Variants in PRICKLE2 observed in about 807,000 individuals in gnomAD.
PRICKLE2 encodes prickle-like protein 2.
In PRICKLE2, 21 loss-of-function variants were observed where a neutral mutation model predicts 81.4. That is an observed-to-expected ratio of 0.26 (90% CI 0.18 to 0.37). PRICKLE2 has a LOEUF of 0.37. PRICKLE2 is among the 10% of genes least tolerant of loss of function. The pLI is 1.00. For synonymous variants in PRICKLE2, 456 were observed against 421.5 expected, an observed-to-expected ratio of 1.08 and a Z score of -1.00; for missense variants, 940 against 1,109.0, an observed-to-expected ratio of 0.85 and a Z score of 2.16.
At chr3:64,214,856 CG>C (rs1371158355) in intron 1 of PRICKLE2, among the ~76,000 whole-genome samples, 1 of 152,128 alleles carries the variant, frequency 6.6e-6, no homozygotes, top group African/African-American at 2.4e-5. Flanking sequence ...GTTGACGAAA[CG>C]AACAAGGAGG....
chr3:64,201,221 G>T (rs987342022), intron 1 of PRICKLE2, among the ~76,000 whole-genome samples: 2 of 152,078 alleles, frequency 1.3e-5, no homozygotes, highest in East Asian at 1.9e-4. Context: ...GAGCCACCAC[G>T]CCTGGCCAAA....
At chr3:64,238,473 G>A (rs1300955770) in intron 2 of PRICKLE2, among the ~76,000 whole-genome samples, 6 of 135,414 alleles carry the variant, frequency 4.4e-5, no homozygotes, top group African/African-American at 1.1e-4. Context: ...GCAACAGAAC[G>A]AGACTCCGTC....
rs182163736 is a variant in PRICKLE2 at position 64,109,486 on chromosome 3, G to A, written c.1661-9561C>T. Among the ~76,000 whole-genome samples the A allele has an allele frequency of 4.6e-3, 700 of 152,196 alleles. 4 individuals are homozygous for A. Among genetic ancestry groups the A allele is most frequent in the African/African-American group, 0.014 (590 of 41,514 alleles). On this transcript the variant is annotated intron_variant, in intron 7 of 7. Transcript: ENST00000638394. ...GCAGTCAGTTACACATCTGTCATCTGCTCTGGTGCTACCAGGATCAGTGCT... is the reference window on the plus strand; with the variant it reads ...GCAGTCAGTTACACATCTGTCATCTACTCTGGTGCTACCAGGATCAGTGCT...
chr3:64,115,496 A>G (rs1176148525), intron 7 of PRICKLE2, among the ~76,000 whole-genome samples: 1 of 152,156 alleles, frequency 6.6e-6, no homozygotes, highest in Non-Finnish European at 1.5e-5. Context: ...ATAAAGAGAT[A>G]GAGAAAAACC....
At chr3:64,127,786 G>C (rs2077133204) in intron 7 of PRICKLE2, among the ~76,000 whole-genome samples, 1 of 151,786 alleles carries the variant, frequency 6.6e-6, no homozygotes, top group African/African-American at 2.4e-5. Context: ...CGATGCTCAA[G>C]ATAACCTGTA....
Position 64,092,658 on chromosome 3 carries a change from C to G in PRICKLE2, c.*6393G>C, listed in dbSNP as rs974439913. The G allele has an allele frequency of 1.3e-5, 2 of 152,192 alleles. No individual in the cohort carries two copies. Among genetic ancestry groups the G allele is most frequent in the Non-Finnish European group, 2.9e-5 (2 of 68,040 alleles). 9.4% of individuals were successfully genotyped at this position (152,192 alleles called of 1,614,324 possible). A position where few individuals can be genotyped will look rare whatever the true frequency, so the allele number is the denominator to read the frequency against. On this transcript the variant is annotated 3_prime_UTR_variant, in exon 8 of 8. Coordinates refer to ENST00000638394, the MANE Select transcript of PRICKLE2 (RefSeq NM_198859.4). ...CATGGATGTAATTCTCCAGACAGAC[C>G]ACTTATTATTTGCTTAAAAGCAAAC...
At chr3:64,162,908 T>C (rs2077757039) in intron 3 of PRICKLE2, 108 bp downstream of exon 3, 3 of 815,042 alleles carry the variant, frequency 3.7e-6, no homozygotes, top group South Asian at 2.7e-5. Flanking sequence ...CTAAAATAAA[T>C]TGCCAGAGTT....
intron 5 of PRICKLE2, chr3:64,154,459 T>C (rs946534998): frequency 4.0e-5 from 6 of 151,434 alleles, no homozygotes; most frequent in Middle Eastern, 6.9e-3. Flanking sequence ...GGCAGGAGAA[T>C]GGCGTGAACC....
chr3:64,135,536 G>A (rs1016281328), intron 7 of PRICKLE2, among the ~76,000 whole-genome samples: 3 of 152,118 alleles, frequency 2.0e-5, no homozygotes, highest in Admixed American at 6.5e-5. Context: ...ACTTTGAAGT[G>A]GAAGACCCAG....
At chr3:64,212,545 C>A (rs1318022791) in intron 1 of PRICKLE2, among the ~76,000 whole-genome samples, 1 of 152,150 alleles carries the variant, frequency 6.6e-6, no homozygotes. Flanking sequence ...TAGTCTCTAC[C>A]TTCTTTGTGG....
intron 7 of PRICKLE2, among the ~76,000 whole-genome samples, chr3:64,138,776 A>AG (rs1253007116): frequency 1.3e-5 from 2 of 152,172 alleles, no homozygotes; most frequent in African/African-American, 4.8e-5. Context: ...GTGATTCCAG[A>AG]CTGGACCACA....
chr3:64,210,508 C>T (rs1207647965), intron 1 of PRICKLE2, among the ~76,000 whole-genome samples: 5 of 152,148 alleles, frequency 3.3e-5, no homozygotes, highest in Non-Finnish European at 7.3e-5. Context: ...ACTGCCTGGT[C>T]CTATCCAACT....
intron 7 of PRICKLE2, among the ~76,000 whole-genome samples, chr3:64,109,724 T>C (rs1237933158): frequency 6.6e-6 from 1 of 152,220 alleles, no homozygotes; most frequent in Non-Finnish European, 1.5e-5. Context: ...AACCAGCTGC[T>C]TCCAAAGAGG....
chr3:64,155,943 T>G (rs933316624), intron 5 of PRICKLE2, among the ~76,000 whole-genome samples: 3 of 152,200 alleles, frequency 2.0e-5, no homozygotes, highest in Admixed American at 2.0e-4. Flanking sequence ...GAATCAGCAG[T>G]GATGGTTGCA....
chr3:64,107,393 T>C (rs1359005936), intron 7 of PRICKLE2, among the ~76,000 whole-genome samples: 1 of 152,144 alleles, frequency 6.6e-6, no homozygotes, highest in Non-Finnish European at 1.5e-5. Flanking sequence ...CTCCCCCACA[T>C]GTCTTTGTGG....
At chr3:64,102,015 T>C (rs948414988) in intron 7 of PRICKLE2, 4 of 152,194 alleles carry the variant, frequency 2.6e-5, no homozygotes, top group Admixed American at 6.5e-5. Context: ...CTATCCCTTA[T>C]GTAGTATTCC....
At chr3:64,109,406 C>T (rs1449362955) in intron 7 of PRICKLE2, among the ~76,000 whole-genome samples, 2 of 152,194 alleles carry the variant, frequency 1.3e-5, no homozygotes, top group African/African-American at 2.4e-5. Flanking sequence ...TTCCTTACTC[C>T]AGCCACTGGC....
chr3:64,177,282 C>T (rs2078042753), intron 2 of PRICKLE2, among the ~76,000 whole-genome samples: 1 of 151,544 alleles, frequency 6.6e-6, no homozygotes, highest in African/African-American at 2.4e-5. Flanking sequence ...ATTACAGGCA[C>T]TCACCACCAC....
intron 6 of PRICKLE2, among the ~76,000 whole-genome samples, chr3:64,151,321 T>G (rs888406): frequency 6.6e-6 from 1 of 152,092 alleles, no homozygotes; most frequent in Non-Finnish European, 1.5e-5. Flanking sequence ...CAGGCCACCA[T>G]GGTCACCTTT....
Sources: allele counts gnomAD v4.1 joint callset (sites outside exome capture counted in the v4.1 genomes callset), GRCh38; gene constraint gnomAD v4.1.1; transcripts MANE v1.5; gene names NCBI Gene and HGNC (gene_info 2026-07-23, HGNC 2026-07-21).